The following ADGRB3 variants were observed in gnomAD, a reference collection of about 807,000 sequenced individuals.
ADGRB3 encodes brain-specific angiogenesis inhibitor 3.
A neutral mutation model predicts 193.4 loss-of-function variants in ADGRB3; 37 were observed. The observed-to-expected ratio is 0.19, with a 90% CI of 0.15 to 0.25. The LOEUF is 0.25. ADGRB3 is among the 10% of genes least tolerant of loss of function. ADGRB3 has a pLI of 1.00. For missense variants in ADGRB3, 1,637 were observed against 1,852.9 expected (o/e 0.88, Z 2.14); for synonymous variants, 690 against 644.2 (o/e 1.07, Z -1.08).
At chr6:68,932,122 A>C (rs1562090765) in intron 4 of ADGRB3, among the ~76,000 whole-genome samples, 2 of 152,116 alleles carry the variant, frequency 1.3e-5, no homozygotes, top group Non-Finnish European at 2.9e-5. Context: ...TGGGCTGACT[A>C]CTCATCTTTG....
intron 3 of ADGRB3, among the ~76,000 whole-genome samples, chr6:68,830,305 A>T (rs1388696260): frequency 6.6e-6 from 1 of 152,142 alleles, no homozygotes; most frequent in Non-Finnish European, 1.5e-5. Flanking sequence ...AGAAAATTTC[A>T]AAGTAAGCAA....
chr6:69,306,166 T>C (rs981384989), intron 20 of ADGRB3, among the ~76,000 whole-genome samples: 2 of 151,418 alleles, frequency 1.3e-5, no homozygotes, highest in Non-Finnish European at 2.9e-5. Flanking sequence ...TGGGGTGAGA[T>C]GGGAGTTAGT....
At chr6:69,089,236 G>A (rs1772638143) in intron 17 of ADGRB3, among the ~76,000 whole-genome samples, 1 of 152,142 alleles carries the variant, frequency 6.6e-6, no homozygotes, top group Non-Finnish European at 1.5e-5. Context: ...ACAGAAATCA[G>A]TTCAAACTAT....
intron 3 of ADGRB3, among the ~76,000 whole-genome samples, chr6:68,892,066 T>A (rs1392027570): frequency 6.6e-6 from 1 of 152,208 alleles, no homozygotes; most frequent in Non-Finnish European, 1.5e-5. Context: ...GGAATTTTAG[T>A]TAGTTTAAAT....
At chr6:68,840,369 C>CTTTATTTTTT (rs1768128962) in intron 3 of ADGRB3, among the ~76,000 whole-genome samples, 1 of 69,426 alleles carries the variant, frequency 1.4e-5, no homozygotes, top group African/African-American at 7.5e-5. Flanking sequence ...ACTGGGCAGT[C>CTTTATTTTTT]TTTTTTTTTT....
chr6:68,789,155 T>C (rs1362576020), intron 3 of ADGRB3, among the ~76,000 whole-genome samples: 3 of 152,082 alleles, frequency 2.0e-5, no homozygotes, highest in Non-Finnish European at 4.4e-5. Flanking sequence ...CCCATTTACA[T>C]TTAAAGTTAA....
intron 17 of ADGRB3, among the ~76,000 whole-genome samples, chr6:69,078,312 G>A (rs1772291057): frequency 6.6e-6 from 1 of 151,848 alleles, no homozygotes; most frequent in African/African-American, 2.4e-5. Context: ...AATGTAAAGA[G>A]CCCCACTGAT....
chr6:69,091,571 T>G (rs2150317731), intron 17 of ADGRB3, among the ~76,000 whole-genome samples: 1 of 152,246 alleles, frequency 6.6e-6, no homozygotes, highest in Non-Finnish European at 1.5e-5. Context: ...TTCTCACTTC[T>G]AAGTGGGAGC....
intron 20 of ADGRB3, among the ~76,000 whole-genome samples, chr6:69,294,725 A>T (rs1225844042): frequency 1.3e-5 from 2 of 152,108 alleles, no homozygotes; most frequent in Non-Finnish European, 2.9e-5. Context: ...GATGAGAGAT[A>T]CTGCCTGGGT....
intron 11 of ADGRB3, among the ~76,000 whole-genome samples, chr6:68,996,851 C>T (rs1168256446): frequency 1.3e-5 from 2 of 152,180 alleles, no homozygotes; most frequent in East Asian, 1.9e-4. Flanking sequence ...TAAGATTTCA[C>T]ATAGAATCCT....
intron 17 of ADGRB3, among the ~76,000 whole-genome samples, chr6:69,135,595 G>A (rs188865943): frequency 1.3e-5 from 2 of 151,950 alleles, no homozygotes; most frequent in South Asian, 2.1e-4. Flanking sequence ...GAAAAATTTT[G>A]TCTCAGCTCA....
rs144544580 is a variant in ADGRB3, at chr6:69,291,091, G to A, written c.2815-33781G>A. Among the ~76,000 whole-genome samples the A allele has an allele frequency of 4.8e-3, 737 of 152,232 alleles. 5 individuals are homozygous for A. Among genetic ancestry groups the A allele is most frequent in the African/African-American group, 0.017 (703 of 41,546 alleles). On this transcript the variant is annotated intron_variant, in intron 20 of 31. Coordinates refer to ENST00000370598, the MANE Select transcript of ADGRB3 (RefSeq NM_001704.3). ...GAAATGGGTTTCTAAAGGAAGCTTT[G>A]TCATCCTTTTCCTAATGCTTCTTGG... is the stretch of plus-strand genomic sequence containing the variant.
chr6:69,031,545 C>CTT (rs1275891662), intron 13 of ADGRB3, among the ~76,000 whole-genome samples: 1 of 60,910 alleles, frequency 1.6e-5, no homozygotes, highest in Non-Finnish European at 3.7e-5. Flanking sequence ...TTCTTTCTTT[C>CTT]TTTCTTTTTC....
intron 26 of ADGRB3, among the ~76,000 whole-genome samples, chr6:69,351,535 G>A (rs1203142211): frequency 6.6e-6 from 1 of 152,178 alleles, no homozygotes; most frequent in Non-Finnish European, 1.5e-5. Flanking sequence ...TGTGACATAT[G>A]ACCATTAAAA....
In ADGRB3 at chr6:69,030,955, TTTTTTC is replaced by T. The variant is rs1252071045; in HGVS notation, c.2107+12461_2107+12466del. Among the ~76,000 whole-genome samples the T allele has an allele frequency of 0.025, 458 of 18,252 alleles. 114 individuals are homozygous for T. The African/African-American group carries it at 0.26, about 10-fold the overall frequency. 12.0% of individuals were successfully genotyped at this position (18,252 alleles called of 152,430 possible). A position where few individuals can be genotyped will look rare whatever the true frequency, so the allele number is the denominator to read the frequency against. On this transcript the variant is annotated intron_variant, in intron 13 of 31. Coordinates refer to ENST00000370598, the MANE Select transcript of ADGRB3 (RefSeq NM_001704.3). Reference sequence around the variant, plus strand: ...GGGTTTTAATTTTCTTTTCTTTTCTTTTTTTCTTTTCTTTTCTTTTCTTTTCTTTTC... The same window carrying T: ...GGGTTTTAATTTTCTTTTCTTTTCTTTTTTCTTTTCTTTTCTTTTCTTTTC...
Position 68,987,026 on chromosome 6 carries a change from A to G in ADGRB3, c.1735-6742A>G, listed in dbSNP as rs1304928201. On this transcript the variant is annotated intron_variant, in intron 10 of 31. Coordinates refer to ENST00000370598, the MANE Select transcript of ADGRB3 (RefSeq NM_001704.3). Reference sequence around the variant, plus strand: ...AGAACTCTGAAGAGCAACTATTTTTAGACTCATTTTTCCCCCTTTCACTGT... The same window carrying G: ...AGAACTCTGAAGAGCAACTATTTTTGGACTCATTTTTCCCCCTTTCACTGT... Among the ~76,000 whole-genome samples the G allele has an allele frequency of 2.6e-5, 4 of 152,116 alleles. No homozygotes were observed. The East Asian group carries it at 7.7e-4, about 29-fold the overall frequency.
intron 17 of ADGRB3, among the ~76,000 whole-genome samples, chr6:69,157,806 T>C (rs1025846671): frequency 6.6e-6 from 1 of 152,128 alleles, no homozygotes; most frequent in African/African-American, 2.4e-5. Flanking sequence ...AACCAACTTA[T>C]GACAATAAAA....
chr6:68,650,630 G>A (rs981190983), intron 3 of ADGRB3, among the ~76,000 whole-genome samples: 4 of 152,092 alleles, frequency 2.6e-5, no homozygotes, highest in African/African-American at 7.2e-5. Flanking sequence ...CATTTTGCCT[G>A]TTGATCTCAC....
chr6:68,866,981 G>T (rs188451915), intron 3 of ADGRB3, among the ~76,000 whole-genome samples: 8 of 152,276 alleles, frequency 5.3e-5, no homozygotes, highest in South Asian at 4.1e-4. Context: ...GAGTATAAAA[G>T]TTTGAAAAAT....
Sources: gnomAD v4.1 joint callset for allele counts (sites outside exome capture counted in the v4.1 genomes callset) on GRCh38, gnomAD v4.1.1 for gene constraint, MANE v1.5 for transcripts, NCBI Gene and HGNC (gene_info 2026-07-23, HGNC 2026-07-21) for gene names.